PCDH15: variants seen among roughly 807,000 people sequenced by gnomAD.
PCDH15 encodes the protein protocadherin-15.
In PCDH15, 129 loss-of-function variants were observed where a neutral mutation model predicts 178.5. The ratio of observed to expected loss-of-function variants is 0.72; its 90% CI spans 0.63 to 0.84. PCDH15 has a LOEUF of 0.84. Among genes scored for constraint, PCDH15 ranks in the 40% least tolerant of loss-of-function variants. The probability of loss-of-function intolerance (pLI) is 0.00; values close to 1 mark genes in which losing one functional copy is unlikely to be tolerated. For synonymous variants in PCDH15, 800 were observed against 732.0 expected (o/e 1.09, Z -1.50); for missense variants, 2,230 against 2,099.9 (o/e 1.06, Z -1.21).
chr10:54,599,999 C>A, intron 2 of PCDH15: 1 of 1,342,924 alleles, frequency 7.4e-7, no homozygotes. Context: ...CCAAAATCAC[C>A]AAAGGAAGAG....
At chr10:53,835,624 T>G (rs2077261357) in intron 29 of PCDH15, among the ~76,000 whole-genome samples, 1 of 152,092 alleles carries the variant, frequency 6.6e-6, no homozygotes, top group Non-Finnish European at 1.5e-5. Flanking sequence ...AGGTTAAAAG[T>G]GGCTGCCATA....
At chr10:53,831,242 C>G (rs2076998114) in intron 30 of PCDH15, 73 bp downstream of exon 30, 12 of 1,359,476 alleles carry the variant, frequency 8.8e-6, no homozygotes, top group Non-Finnish European at 1.2e-5. Flanking sequence ...CAACGCAAAG[C>G]CATGTTACCA....
At chr10:54,515,027 G>A (rs2082069280) in intron 3 of PCDH15, among the ~76,000 whole-genome samples, 2 of 152,198 alleles carry the variant, frequency 1.3e-5, no homozygotes, top group South Asian at 4.1e-4. Context: ...AATAGCTCTG[G>A]TTTACAGTTC....
chr10:54,127,584 G>A (rs1323187563), intron 15 of PCDH15, among the ~76,000 whole-genome samples: 3 of 152,176 alleles, frequency 2.0e-5, no homozygotes, highest in Non-Finnish European at 4.4e-5. Flanking sequence ...TAGAAATGGA[G>A]TGAGGAAGGG....
chr10:55,309,550 T>C (rs564986210), intron 1 of PCDH15, among the ~76,000 whole-genome samples: 2 of 152,216 alleles, frequency 1.3e-5, no homozygotes, highest in African/African-American at 4.8e-5. Context: ...AAAAGATACT[T>C]TCTTTGACAT....
chr10:54,084,081 C>T lies in PCDH15; in HGVS notation c.1998-4657G>A, dbSNP rs533188818. On this transcript the variant is annotated intron_variant, in intron 16 of 37. Transcript: ENST00000644397. ...TGTCTCTCTCTTTTTTTTTAATGTGCACTTTTTTTTTTTTATTTTTTTGAG... is the reference window on the plus strand; with the variant it reads ...TGTCTCTCTCTTTTTTTTTAATGTGTACTTTTTTTTTTTTATTTTTTTGAG... Among the ~76,000 whole-genome samples the T allele has an allele frequency of 1.1e-4, 7 of 61,738 alleles. No individual in the cohort carries two copies. In the East Asian group the frequency reaches 2.2e-3, roughly 19 times the overall value. The allele number at this position is 61,738 out of a possible 152,430, so 40.5% of individuals were successfully genotyped here.
At chr10:54,872,705 C>T (rs1179585597) in intron 3 of PCDH15, among the ~76,000 whole-genome samples, 1 of 152,048 alleles carries the variant, frequency 6.6e-6, no homozygotes, top group African/African-American at 2.4e-5. Context: ...GCTCGATATA[C>T]TTAGATTATG....
intron 2 of PCDH15, among the ~76,000 whole-genome samples, chr10:54,585,201 G>A (rs2133850372): frequency 6.6e-6 from 1 of 152,152 alleles, no homozygotes; most frequent in East Asian, 1.9e-4. Flanking sequence ...AAACCATCCA[G>A]TGCACAATTC....
intron 1 of PCDH15, among the ~76,000 whole-genome samples, chr10:54,676,219 T>C (rs2094787155): frequency 6.6e-6 from 1 of 152,014 alleles, no homozygotes; most frequent in Non-Finnish European, 1.5e-5. Flanking sequence ...AATTCTAATA[T>C]ACTTGGAAAA....
At chr10:53,863,812 A>G (rs929579902) in intron 27 of PCDH15, among the ~76,000 whole-genome samples, 1 of 152,214 alleles carries the variant, frequency 6.6e-6, no homozygotes, top group Admixed American at 6.5e-5. Context: ...CTGCATAAGT[A>G]GAGGTACAGG....
chr10:55,095,664 T>G (rs1417415979), intron 2 of PCDH15, among the ~76,000 whole-genome samples: 3 of 152,128 alleles, frequency 2.0e-5, no homozygotes, highest in Non-Finnish European at 4.4e-5. Flanking sequence ...AAGATTAAAA[T>G]AGCTTTCTAG....
chr10:53,834,544 C>A (rs1412387136), intron 29 of PCDH15, among the ~76,000 whole-genome samples: 2 of 142,662 alleles, frequency 1.4e-5, no homozygotes, highest in Non-Finnish European at 3.0e-5. Context: ...TCGTCATTTT[C>A]ATCTACAGTG....
At chr10:55,065,933 T>C (rs945743838) in intron 2 of PCDH15, among the ~76,000 whole-genome samples, 1 of 152,030 alleles carries the variant, frequency 6.6e-6, no homozygotes, top group African/African-American at 2.4e-5. Flanking sequence ...CAGTTTTTAT[T>C]ACTGTTATTG....
At chr10:54,913,665 G>A (rs760046167) in intron 2 of PCDH15, among the ~76,000 whole-genome samples, 19 of 152,264 alleles carry the variant, frequency 1.2e-4, no homozygotes, top group Admixed American at 8.5e-4. Flanking sequence ...TGGAAAAGCC[G>A]CAGGCACTCA....
At chr10:54,786,884 T>C (rs1343570236) in intron 1 of PCDH15, among the ~76,000 whole-genome samples, 3 of 151,828 alleles carry the variant, frequency 2.0e-5, no homozygotes, top group Non-Finnish European at 2.9e-5. Context: ...ATTACAATTG[T>C]TCTTTTATAA....
At chr10:54,144,873 G>A (rs534288189) in intron 14 of PCDH15, among the ~76,000 whole-genome samples, 29 of 152,076 alleles carry the variant, frequency 1.9e-4, no homozygotes, top group Non-Finnish European at 3.5e-4. Context: ...TAAAATACAA[G>A]GCTTCTGAAT....
chr10:54,752,409 A>G (rs1001530342), intron 1 of PCDH15, among the ~76,000 whole-genome samples: 6 of 150,350 alleles, frequency 4.0e-5, no homozygotes, highest in South Asian at 4.2e-4. Context: ...CCCGGGAGGC[A>G]GAGCTTGCAG....
intron 2 of PCDH15, among the ~76,000 whole-genome samples, chr10:55,158,587 C>G (rs573449593): frequency 8.9e-5 from 10 of 112,828 alleles, no homozygotes; most frequent in African/African-American, 2.8e-4. Context: ...TTATAACTGA[C>G]AGGCTTTCAG....
chr10:55,407,986 A>G (rs909408157), intron 2 of PCDH15, among the ~76,000 whole-genome samples: 3 of 152,066 alleles, frequency 2.0e-5, no homozygotes, highest in Non-Finnish European at 4.4e-5. Context: ...GGATCAAAGG[A>G]GATCTCACAG....
Sources: allele counts gnomAD v4.1 joint callset (sites outside exome capture counted in the v4.1 genomes callset), GRCh38; gene constraint gnomAD v4.1.1; transcripts MANE v1.5; gene names NCBI Gene and HGNC (gene_info 2026-07-23, HGNC 2026-07-21).